The following CNTNAP2 variants were observed in gnomAD, a reference collection of about 807,000 sequenced individuals.
The protein encoded by CNTNAP2 is contactin associated protein 2.
In CNTNAP2, 98 loss-of-function variants were observed where a neutral mutation model predicts 155.2. The observed-to-expected ratio is 0.63, with a 90% CI of 0.54 to 0.75. The LOEUF is 0.75. CNTNAP2 is among the 30% of genes least tolerant of loss of function. CNTNAP2 has a pLI of 0.00. For missense variants in CNTNAP2, 1,727 were observed against 1,688.1 expected (o/e 1.02, Z -0.40); for synonymous variants, 651 against 631.2 (o/e 1.03, Z -0.47).
Position 148,079,928 on chromosome 7 carries a change from T to C in CNTNAP2, c.2384-38190T>C, listed in dbSNP as rs1239092718. On this transcript the variant is annotated intron_variant, in intron 15 of 23. Coordinates refer to ENST00000361727, the MANE Select transcript of CNTNAP2 (RefSeq NM_014141.6). ...GCCCTTGGCTGAGAGGAGAGGCCAATTCAGATGGCTGTGGGGCTTAAAATG... is the reference window on the plus strand; with the variant it reads ...GCCCTTGGCTGAGAGGAGAGGCCAACTCAGATGGCTGTGGGGCTTAAAATG... Among the ~76,000 whole-genome samples the C allele has an allele frequency of 2.6e-5, 4 of 152,302 alleles. No homozygotes were observed. In the East Asian group the frequency reaches 5.8e-4, roughly 22 times the overall value.
intron 4 of CNTNAP2, among the ~76,000 whole-genome samples, chr7:147,054,122 G>C (rs574899671): frequency 6.6e-6 from 1 of 152,074 alleles, no homozygotes; most frequent in Non-Finnish European, 1.5e-5. Context: ...TCACCCGTAA[G>C]GGCTTTTTAT....
intron 9 of CNTNAP2, among the ~76,000 whole-genome samples, chr7:147,358,179 C>T (rs879832548): frequency 2.0e-5 from 3 of 152,034 alleles, no homozygotes; most frequent in South Asian, 2.1e-4. Flanking sequence ...TGTACTTTTA[C>T]CAATTTACCA....
chr7:147,942,306 A>G (rs994811427), intron 14 of CNTNAP2, among the ~76,000 whole-genome samples: 27 of 152,206 alleles, frequency 1.8e-4, no homozygotes, highest in African/African-American at 5.1e-4. Flanking sequence ...TTTCCTAGTG[A>G]CATTGGTAAC....
At chr7:146,728,409 C>T (rs556574004) in intron 1 of CNTNAP2, among the ~76,000 whole-genome samples, 13 of 151,966 alleles carry the variant, frequency 8.6e-5, no homozygotes, top group African/African-American at 2.9e-4. Context: ...GCAAATAATG[C>T]GAGCCAGTTT....
rs1064794451 is a variant in CNTNAP2 at position 148,147,706 on chromosome 7, G to C, written c.2770G>C (p.Val924Leu). Reference protein sequence around the residue: ...TRLELYSQLFVGGAGGQQGFL... With the variant: ...TRLELYSQLFLGGAGGQQGFL... ...CCTGGAGCTCTACAGCCAGTTATTTGTGGGTAAGTAATGGAAAGGTAACCA... is the reference window on the plus strand; with the variant it reads ...CCTGGAGCTCTACAGCCAGTTATTTCTGGGTAAGTAATGGAAAGGTAACCA... Residue 924 changes from valine (V) to leucine (L), a missense_variant, in exon 17 of 24, where the codon GTG becomes CTG. Coordinates refer to ENST00000361727, the MANE Select transcript of CNTNAP2 (RefSeq NM_014141.6). The C allele has an allele frequency of 6.2e-7, 1 of 1,612,898 alleles. No homozygotes were observed. Among genetic ancestry groups the C allele is most frequent in the Non-Finnish European group, 8.5e-7 (1 of 1,179,936 alleles).
At chr7:147,012,448 G>C (rs919557827) in intron 3 of CNTNAP2, among the ~76,000 whole-genome samples, 1 of 152,056 alleles carries the variant, frequency 6.6e-6, no homozygotes, top group Non-Finnish European at 1.5e-5. Context: ...GTCTGAAAAA[G>C]AGAAAAATGA....
intron 3 of CNTNAP2, among the ~76,000 whole-genome samples, chr7:146,960,984 C>G (rs567205067): frequency 9.5e-4 from 144 of 152,260 alleles, no homozygotes; most frequent in Admixed American, 5.0e-3. Context: ...TCTAAGTGGG[C>G]AGCTCTCACC....
chr7:146,967,113 C>G lies in CNTNAP2; in HGVS notation c.403-76794C>G, dbSNP rs546469670. ...TTTGTGTGTCAGATACCTTACTAAA[C>G]GTTTTTACATTGGACCTCATTTAAT... On this transcript the variant is annotated intron_variant, in intron 3 of 23. Coordinates refer to ENST00000361727, the MANE Select transcript of CNTNAP2 (RefSeq NM_014141.6). Among the ~76,000 whole-genome samples, 13 of 152,164 alleles carry G rather than the reference C, an allele frequency of 8.5e-5. No homozygotes were observed. The East Asian group carries it at 2.5e-3, about 30-fold the overall frequency.
intron 1 of CNTNAP2, among the ~76,000 whole-genome samples, chr7:146,564,955 A>G (rs1798334917): frequency 6.6e-6 from 1 of 152,162 alleles, no homozygotes; most frequent in African/African-American, 2.4e-5. Context: ...GCTCAAGATC[A>G]CGTGGCTAGG....
intron 4 of CNTNAP2, among the ~76,000 whole-genome samples, chr7:147,091,585 G>A (rs1387913080): frequency 5.3e-5 from 8 of 151,382 alleles, no homozygotes; most frequent in Non-Finnish European, 1.0e-4. Flanking sequence ...CCTAGTAGCT[G>A]GGACTACAGG....
chr7:148,362,612 C>T (rs563992384), intron 21 of CNTNAP2, among the ~76,000 whole-genome samples: 19 of 152,322 alleles, frequency 1.2e-4, no homozygotes, highest in Admixed American at 2.6e-4. Context: ...TGCATCTGTA[C>T]TGCGTGCAGG....
intron 4 of CNTNAP2, among the ~76,000 whole-genome samples, chr7:147,051,458 G>T (rs1300573485): frequency 2.6e-5 from 4 of 151,898 alleles, no homozygotes; most frequent in African/African-American, 9.7e-5. Context: ...CAGAATAAAT[G>T]AATAAGTTAA....
intron 15 of CNTNAP2, among the ~76,000 whole-genome samples, chr7:148,016,909 G>C (rs951781894): frequency 5.3e-5 from 8 of 152,140 alleles, no homozygotes; most frequent in Non-Finnish European, 8.8e-5. Flanking sequence ...TTGACTAATA[G>C]ATGCTATGGA....
intron 12 of CNTNAP2, among the ~76,000 whole-genome samples, chr7:147,578,610 A>G (rs1027131376): frequency 6.6e-6 from 1 of 152,138 alleles, no homozygotes; most frequent in Non-Finnish European, 1.5e-5. Flanking sequence ...ATATTTATTA[A>G]GTATATTCCT....
chr7:147,637,900 C>T (rs1238022461), intron 12 of CNTNAP2, among the ~76,000 whole-genome samples: 2 of 152,114 alleles, frequency 1.3e-5, no homozygotes, highest in Non-Finnish European at 2.9e-5. Flanking sequence ...TCTAATCCCA[C>T]CATTTAGTCT....
intron 3 of CNTNAP2, among the ~76,000 whole-genome samples, chr7:147,018,188 C>G (rs1286129788): frequency 6.6e-6 from 1 of 152,058 alleles, no homozygotes; most frequent in Non-Finnish European, 1.5e-5. Context: ...TTACTAAACT[C>G]TGTGTATATT....
At chr7:147,890,839 A>T (rs1799677505) in intron 13 of CNTNAP2, among the ~76,000 whole-genome samples, 1 of 152,170 alleles carries the variant, frequency 6.6e-6, no homozygotes, top group South Asian at 2.1e-4. Context: ...AGGATATAAA[A>T]TTTTAGTTAG....
intron 3 of CNTNAP2, among the ~76,000 whole-genome samples, chr7:147,031,218 A>G (rs113512104): frequency 0.01 from 1,594 of 152,256 alleles, 23 homozygotes; most frequent in African/African-American, 0.027. Context: ...GCTTGACATG[A>G]AGGATAAAGA....
In CNTNAP2 at chr7:146,710,164, T is replaced by TGGATTA. The variant is rs199765100; in HGVS notation, c.98-64091_98-64086dup. On this transcript the variant is annotated intron_variant, in intron 1 of 23. Transcript: ENST00000361727. ...AGAGGAGTAAGAGATGAATGAAACA[T>TGGATTA]GGATTAGGATTAGGATTAGGAGCTA... Among the ~76,000 whole-genome samples the TGGATTA allele has an allele frequency of 8.5e-3, 1,297 of 152,148 alleles. 10 individuals are homozygous for TGGATTA. Among genetic ancestry groups the TGGATTA allele is most frequent in the Non-Finnish European group, 0.014 (982 of 67,988 alleles).
Sources: gnomAD v4.1 joint callset for allele counts (sites outside exome capture counted in the v4.1 genomes callset) on GRCh38, gnomAD v4.1.1 for gene constraint, MANE v1.5 for transcripts, NCBI Gene and HGNC (gene_info 2026-07-23, HGNC 2026-07-21) for gene names.